Variants in PDE4DIP observed in about 807,000 individuals in gnomAD.
The protein encoded by PDE4DIP is myomegalin.
In PDE4DIP, 59 loss-of-function variants were observed where a neutral mutation model predicts 221.4. The ratio of observed to expected loss-of-function variants is 0.27; its 90% CI spans 0.22 to 0.33. PDE4DIP has a LOEUF of 0.33. PDE4DIP is among the 10% of genes least tolerant of loss of function. The pLI is 1.00. For missense variants in PDE4DIP, 1,036 were observed against 2,154.2 expected (o/e 0.48, Z 10.28); for synonymous variants, 404 against 815.9 (o/e 0.50, Z 8.60).
At chr1:148,822,489 C>T (rs1664032) in intron 1 of PDE4DIP, among the ~76,000 whole-genome samples, 2,617 of 143,986 alleles carry the variant, frequency 0.018, 2 homozygotes, top group African/African-American at 0.071. Context: ...CTGCTTCTTA[C>T]GAGGATCTAA....
intron 36 of PDE4DIP, 107 bp from the exon 40 acceptor site, chr1:149,020,922 C>T (rs1339047152): frequency 3.1e-6 from 2 of 635,504 alleles, no homozygotes; most frequent in Non-Finnish European, 5.5e-6. Flanking sequence ...GTAACCCTAA[C>T]TGTAACCCTT....
chr1:148,954,186 T>C (rs1221549613), intron 5 of PDE4DIP, among the ~76,000 whole-genome samples: 7 of 152,138 alleles, frequency 4.6e-5, no homozygotes, highest in African/African-American at 1.7e-4. Flanking sequence ...TTCACTTTTT[T>C]CCTATAAAAA....
At chr1:149,032,150 T>A in exon 44 of PDE4DIP, 1 of 1,351,458 alleles carries the variant, frequency 7.4e-7, no homozygotes, top group Non-Finnish European at 1.0e-6. Context: ...GAGTCAGAGA[T>A]GTATCCTGGT....
chr1:148,923,346 A>G (rs2045916597), intron 1 of PDE4DIP, among the ~76,000 whole-genome samples: 1 of 151,208 alleles, frequency 6.6e-6, no homozygotes, highest in Admixed American at 6.6e-5. Flanking sequence ...TTGTTAGTCC[A>G]CTTCCGCCTC....
At chr1:148,821,297 G>C (rs1422935053) in intron 1 of PDE4DIP, among the ~76,000 whole-genome samples, 2 of 147,492 alleles carry the variant, frequency 1.4e-5, no homozygotes, top group African/African-American at 5.1e-5. Context: ...TGATTCTGTG[G>C]GTCTCCTCTT....
At chr1:148,935,223 A>G (rs1208077039) in intron 4 of PDE4DIP, among the ~76,000 whole-genome samples, 1 of 151,732 alleles carries the variant, frequency 6.6e-6, no homozygotes, top group African/African-American at 2.4e-5. Flanking sequence ...AAAAAAAAAA[A>G]GAATCACAAC....
chr1:149,015,872 G>A (rs1485212118), intron 32 of PDE4DIP, among the ~76,000 whole-genome samples: 1 of 151,926 alleles, frequency 6.6e-6, no homozygotes, highest in Non-Finnish European at 1.5e-5. Flanking sequence ...TAGTTTCAGG[G>A]GAAGGCAAGT....
chr1:148,953,574 C>T (rs1399606653), intron 5 of PDE4DIP: 1 of 1,613,248 alleles, frequency 6.2e-7, no homozygotes, highest in East Asian at 2.2e-5. Flanking sequence ...GAGAGAAGTG[C>T]AAAGGAACTT....
intron 1 of PDE4DIP, among the ~76,000 whole-genome samples, chr1:148,920,064 G>A (rs1292307063): frequency 6.7e-6 from 1 of 148,642 alleles, no homozygotes; most frequent in Admixed American, 6.6e-5. Flanking sequence ...CTTTCTTGTC[G>A]ACTTTATCAA....
At chr1:148,930,144 C>T (rs1245060493) in intron 2 of PDE4DIP, 3 of 151,392 alleles carry the variant, frequency 2.0e-5, no homozygotes, top group Non-Finnish European at 1.5e-5. Flanking sequence ...TGTTAAATGA[C>T]AAGTATTACT....
exon 30 of PDE4DIP, chr1:149,009,741 T>G: frequency 1.9e-6 from 3 of 1,613,896 alleles, no homozygotes; most frequent in Non-Finnish European, 2.5e-6. Flanking sequence ...ATGGACATAG[T>G]CAGCGAGTAC....
chr1:148,824,373 A>G (rs1260849778), intron 1 of PDE4DIP, among the ~76,000 whole-genome samples: 4 of 149,954 alleles, frequency 2.7e-5, no homozygotes, highest in Non-Finnish European at 5.9e-5. Flanking sequence ...AAAGAAAGAG[A>G]GCATGCATAC....
At chr1:148,960,123 C>G (rs1465677543) in intron 5 of PDE4DIP, among the ~76,000 whole-genome samples, 1 of 152,306 alleles carries the variant, frequency 6.6e-6, no homozygotes, top group Non-Finnish European at 1.5e-5. Context: ...AATTACAGTA[C>G]AATTATCAAA....
chr1:149,023,776 GTGTA>G, intron 37 of PDE4DIP, among the ~76,000 whole-genome samples: 1 of 114,778 alleles, frequency 8.7e-6, no homozygotes, highest in Non-Finnish European at 1.8e-5. Flanking sequence ...ATGTATATGT[GTGTA>G]CATATATATG....
At position 148,843,580 on chromosome 1, in the gene PDE4DIP, G is replaced by A. The variant is rs1298651350; in HGVS notation, c.234-19670G>A. Among the ~76,000 whole-genome samples the A allele has an allele frequency of 2.3e-5, 2 of 87,664 alleles. 1 individual carries two copies. The highest frequency in any genetic ancestry group is 2.2e-4 in the Admixed American group (2 of 8,898). 57.5% of individuals were successfully genotyped at this position (87,664 alleles called of 152,430 possible). A position where few individuals can be genotyped will look rare whatever the true frequency, so the allele number is the denominator to read the frequency against. On this transcript the variant is annotated intron_variant, in intron 1 of 45. Transcript: ENST00000524974. ...CAGTGATAGTGCTAATAATAACAGT[G>A]ATTATGTCATTTAATAAAACGGTCT...
At chr1:148,888,332 T>C (rs1572705092), upstream of PDE4DIP, among the ~76,000 whole-genome samples, 1 of 150,368 alleles carries the variant, frequency 6.7e-6, no homozygotes, top group Non-Finnish European at 1.5e-5. Flanking sequence ...TAACATATCA[T>C]GGCCAGCTGT....
rs1257131338 is a variant in PDE4DIP, at chr1:148,952,335, G to A, written c.637-8319G>A. The A allele has an allele frequency of 5.8e-6, 6 of 1,034,088 alleles. No homozygotes were observed. The African/African-American group carries it at 6.7e-5, about 12-fold the overall frequency. The allele number at this position is 1,034,088 out of a possible 1,614,324, so 64.1% of individuals were successfully genotyped here. A position where few individuals can be genotyped will look rare whatever the true frequency, so the allele number is the denominator to read the frequency against. On this transcript the variant is annotated intron_variant, in intron 5 of 43. Transcript: ENST00000369354. ...ACAGCTCCCAGAAGAGCCTTGTGGA[G>A]GCCGCAGACGCGAAGCCGCTGGCGC...
intron 38 of PDE4DIP, chr1:149,025,918 T>G (rs1358096841): frequency 6.6e-6 from 1 of 152,262 alleles, no homozygotes; most frequent in Non-Finnish European, 1.5e-5. Flanking sequence ...CTGCTCAGCT[T>G]ACATTAGTTG....
At chr1:148,919,786 C>T (rs1372717242) in intron 1 of PDE4DIP, among the ~76,000 whole-genome samples, 14 of 150,564 alleles carry the variant, frequency 9.3e-5, no homozygotes, top group Middle Eastern at 3.4e-3. Context: ...ACTCTTCCTC[C>T]TGCTAAATTA....
Sources: allele counts gnomAD v4.1 joint callset (sites outside exome capture counted in the v4.1 genomes callset), GRCh38; gene constraint gnomAD v4.1.1; transcripts MANE v1.5; gene names NCBI Gene and HGNC (gene_info 2026-07-23, HGNC 2026-07-21).